CAMTA1: variants seen among roughly 807,000 people sequenced by gnomAD.
CAMTA1 encodes calmodulin-binding transcription activator 1.
A neutral mutation model predicts 170.9 loss-of-function variants in CAMTA1; 27 were observed. The observed-to-expected ratio is 0.16, with a 90% confidence interval of 0.12 to 0.22. The LOEUF (loss-of-function observed/expected upper bound fraction) is 0.22, where lower values mean the gene tolerates loss of function less well. CAMTA1 is among the 10% of genes least tolerant of loss of function. The pLI is 1.00. For missense variants in CAMTA1, 1,619 were observed against 2,217.2 expected, an observed-to-expected ratio of 0.73 and a Z score of 5.42; for synonymous variants, 833 against 891.5, an observed-to-expected ratio of 0.93 and a Z score of 1.17.
rs1706252245 is a variant in CAMTA1 at position 7,050,970 on chromosome 1, T to C, written c.235-40334T>C. On this transcript the variant is annotated intron_variant, in intron 3 of 22. Coordinates refer to ENST00000303635, the MANE Select transcript of CAMTA1 (RefSeq NM_015215.4). This position sits in a 1 kb window ranked among gnomAD's most constrained non-coding sequence, Gnocchi z 4.8. The stretch of plus-strand genomic sequence containing the variant: ...TGTTCCCAGGCACAGGGAGAATGAC[T>C]GTGCTGCCTCTTTCCGGGGTGTAAT... Among the ~76,000 whole-genome samples, 1 of 152,178 alleles carries C rather than the reference T, an allele frequency of 6.6e-6. No homozygotes were observed. The highest frequency in any genetic ancestry group is 2.1e-4 in the South Asian group (1 of 4,826).
intron 3 of CAMTA1, among the ~76,000 whole-genome samples, chr1:6,931,093 A>G (rs1684331045): frequency 6.6e-6 from 1 of 152,174 alleles, no homozygotes; most frequent in African/African-American, 2.4e-5. Context: ...TGGGGGCAAA[A>G]AGAAACCTCC....
chr1:7,682,121 C>G lies in CAMTA1; in HGVS notation c.2914+4388C>G, dbSNP rs1379012465. 6.6e-6 allele frequency among the ~76,000 whole-genome samples: 1 copy of G among 152,176 alleles called. No individual in the cohort carries two copies. Among genetic ancestry groups the G allele is most frequent in the Non-Finnish European group, 1.5e-5 (1 of 68,020 alleles). ...TTGGAGTGAGACCTGCGTGCAGCTC[C>G]CCTGGGCTTGGCTGGTCTCCTGGGC... On this transcript the variant is annotated intron_variant, in intron 11 of 22. Transcript: ENST00000303635. This position sits in a 1 kb window ranked among gnomAD's most constrained non-coding sequence, Gnocchi z 5.0.
chr1:7,191,692 A>G (rs1247622221), intron 4 of CAMTA1, among the ~76,000 whole-genome samples: 8 of 152,186 alleles, frequency 5.3e-5, no homozygotes, highest in African/African-American at 1.7e-4. Context: ...GTACAGCTGC[A>G]AGGCGTGAGG....
chr1:6,958,705 T>A (rs1454286784), intron 3 of CAMTA1, among the ~76,000 whole-genome samples: 2 of 152,180 alleles, frequency 1.3e-5, no homozygotes, highest in Non-Finnish European at 2.9e-5. Context: ...CCACCACCCC[T>A]CTGCAGCTTC....
At chr1:7,120,404 C>T (rs1427788643) in intron 4 of CAMTA1, among the ~76,000 whole-genome samples, 4 of 152,176 alleles carry the variant, frequency 2.6e-5, no homozygotes, top group Admixed American at 1.3e-4. Flanking sequence ...GCCTCAGTTC[C>T]GTGCTGGCTG....
intron 9 of CAMTA1, among the ~76,000 whole-genome samples, chr1:7,667,330 G>A (rs1293095023): frequency 6.6e-6 from 1 of 152,168 alleles, no homozygotes; most frequent in Non-Finnish European, 1.5e-5. Flanking sequence ...CGATGCAAAG[G>A]GACAGGGAGG....
chr1:7,160,006 G>A (rs969533163), intron 4 of CAMTA1, among the ~76,000 whole-genome samples: 2 of 152,170 alleles, frequency 1.3e-5, no homozygotes, highest in African/African-American at 4.8e-5. Flanking sequence ...TAGCACTTTG[G>A]GAGGAGGCTG....
At chr1:7,469,607 G>A (rs1013038877) in intron 6 of CAMTA1, among the ~76,000 whole-genome samples, 2 of 152,164 alleles carry the variant, frequency 1.3e-5, no homozygotes, top group African/African-American at 2.4e-5. Flanking sequence ...CCCTCCTGTC[G>A]GGGCAGCACC....
At chr1:7,734,456 A>C (rs1168555930) in intron 12 of CAMTA1, among the ~76,000 whole-genome samples, 2 of 152,312 alleles carry the variant, frequency 1.3e-5, no homozygotes, top group East Asian at 3.9e-4. Flanking sequence ...ACCACTACTG[A>C]ATATCCTTTC....
chr1:6,973,104 G>A (rs762141656), intron 3 of CAMTA1, among the ~76,000 whole-genome samples: 2 of 152,068 alleles, frequency 1.3e-5, no homozygotes, highest in African/African-American at 2.4e-5. Context: ...CATCCACCTC[G>A]GCCTCCCAAA....
At chr1:6,923,721 G>A (rs572617884) in intron 3 of CAMTA1, among the ~76,000 whole-genome samples, 1 of 152,262 alleles carries the variant, frequency 6.6e-6, no homozygotes. Flanking sequence ...CAATGTCCTA[G>A]ATCCTCTCCT....
At chr1:6,890,526 G>C (rs1440556898) in intron 3 of CAMTA1, among the ~76,000 whole-genome samples, 1 of 152,060 alleles carries the variant, frequency 6.6e-6, no homozygotes, top group East Asian at 1.9e-4. Context: ...GTCTTCCCTG[G>C]AGGGCAGCCC....
intron 6 of CAMTA1, among the ~76,000 whole-genome samples, chr1:7,586,317 T>G (rs1352358442): frequency 6.6e-6 from 1 of 152,176 alleles, no homozygotes; most frequent in Non-Finnish European, 1.5e-5. Context: ...GGAAATGTCC[T>G]TGGCTCAAAT....
intron 3 of CAMTA1, among the ~76,000 whole-genome samples, chr1:6,832,316 A>G (rs1650626587): frequency 6.6e-6 from 1 of 152,170 alleles, no homozygotes; most frequent in African/African-American, 2.4e-5. Context: ...AGCTCAAGCA[A>G]TCTGCTTGCC....
intron 4 of CAMTA1, among the ~76,000 whole-genome samples, chr1:7,172,492 G>T (rs1649850384): frequency 6.7e-6 from 1 of 148,890 alleles, no homozygotes; most frequent in African/African-American, 2.6e-5. Flanking sequence ...GGGAGGTGAA[G>T]GTATGCGGAG....
In CAMTA1 at chr1:6,847,225, G is replaced by A. The variant is rs538047734; in HGVS notation, c.234+22015G>A. On this transcript the variant is annotated intron_variant, in intron 3 of 22. Transcript: ENST00000303635. ...TTGCTGTGTTGGTCAGGCATGTCTC[G>A]AACTCCTGGCCTCAAGTGAAGGATG... is the stretch of plus-strand genomic sequence containing the variant. Among the ~76,000 whole-genome samples, 10 of 151,990 alleles carry A rather than the reference G, an allele frequency of 6.6e-5. No homozygotes were observed. In the South Asian group the frequency reaches 1.9e-3, roughly 28 times the overall value.
intron 6 of CAMTA1, among the ~76,000 whole-genome samples, chr1:7,503,239 T>G (rs2094039135): frequency 6.6e-6 from 1 of 152,126 alleles, no homozygotes; most frequent in African/African-American, 2.4e-5. Flanking sequence ...GAGTCAGGGC[T>G]GGGGGCCGAG....
intron 5 of CAMTA1, among the ~76,000 whole-genome samples, chr1:7,273,318 C>T (rs528962250): frequency 1.2e-4 from 19 of 152,260 alleles, no homozygotes; most frequent in African/African-American, 4.6e-4. Context: ...AGCAACAAGT[C>T]AAAACAACTC....
chr1:6,984,878 C>A (rs543869446), intron 3 of CAMTA1, among the ~76,000 whole-genome samples: 1 of 152,170 alleles, frequency 6.6e-6, no homozygotes, highest in Non-Finnish European at 1.5e-5. Context: ...TTCCTGGGGA[C>A]GACAGTCTGG....
Sources: gnomAD v4.1 joint callset for allele counts (sites outside exome capture counted in the v4.1 genomes callset) on GRCh38, gnomAD v4.1.1 for gene constraint, Gnocchi (gnomAD v3.1) non-coding constraint, MANE v1.5 for transcripts, NCBI Gene and HGNC (gene_info 2026-07-23, HGNC 2026-07-21) for gene names.